Variants in KIF7 observed in about 807,000 individuals in gnomAD.
KIF7 encodes the protein kinesin family member 7.
In KIF7, 104 loss-of-function variants were observed where a neutral mutation model predicts 135.7. The observed-to-expected ratio is 0.77, with a 90% CI of 0.65 to 0.90. The LOEUF is 0.90. KIF7 is among the 40% of genes least tolerant of loss of function. The probability of loss-of-function intolerance (pLI) is 0.00; values close to 1 mark genes in which losing one functional copy is unlikely to be tolerated. For missense variants in KIF7, 2,005 were observed against 1,839.1 expected (o/e 1.09, Z -1.65); for synonymous variants, 883 against 809.4 (o/e 1.09, Z -1.54).
At chr15:89,626,811 C>T (rs1963536240), downstream of KIF7, 1 of 864,524 alleles carries the variant, frequency 1.2e-6, no homozygotes, top group East Asian at 2.4e-5. Context: ...GTGTAGGTAC[C>T]ATTTCTGTAG....
At chr15:89,657,531 T>A (rs1026960540), upstream of KIF7, among the ~76,000 whole-genome samples, 1 of 152,204 alleles carries the variant, frequency 6.6e-6, no homozygotes, top group Admixed American at 6.5e-5. Context: ...GTAGCACTCA[T>A]ATGCAACAAT....
At chr15:89,631,149 T>C in intron 15 of KIF7, 4 of 310,712 alleles carry the variant, frequency 1.3e-5, no homozygotes. Context: ...GGAACACAGA[T>C]GTGTGGGCAT....
chr15:89,636,902 A>C (rs1335428940), intron 11 of KIF7, among the ~76,000 whole-genome samples: 1 of 147,612 alleles, frequency 6.8e-6, no homozygotes, highest in Non-Finnish European at 1.5e-5. Context: ...CACCACACCT[A>C]TTCCAAAATT....
chr15:89,618,701 C>T (rs879638100), intron 1 of KIF7, among the ~76,000 whole-genome samples: 2 of 152,230 alleles, frequency 1.3e-5, no homozygotes, highest in Admixed American at 1.3e-4. Context: ...TGGTTCACGC[C>T]TGTAATCCCA....
intron 10 of KIF7, among the ~76,000 whole-genome samples, chr15:89,643,748 G>A (rs1963962334): frequency 6.6e-6 from 1 of 152,188 alleles, no homozygotes; most frequent in Admixed American, 6.5e-5. Context: ...AGCTGGTTGT[G>A]TTGGCACACG....
chr15:89,648,348 C>A lies in KIF7; in HGVS notation c.1350G>T (p.Glu450Asp). 1.4e-6 allele frequency: 2 copies of A among 1,460,228 alleles called. No individual in the cohort carries two copies. Among genetic ancestry groups the A allele is most frequent in the Non-Finnish European group, 1.8e-6 (2 of 1,104,388 alleles). The allele number at this position is 1,460,228 out of a possible 1,614,324, so 90.5% of individuals were successfully genotyped here. A position where few individuals can be genotyped will look rare whatever the true frequency, so the allele number is the denominator to read the frequency against. Reference protein sequence around the residue: ...VRDWLCAVEGERSALSSASGP... With the variant: ...VRDWLCAVEGDRSALSSASGP... ...CGGAGGCGGAGCTCAGGGCGCTGCG[C>A]TCGCCCTCGACGGCGCACAGCCAGT... The change falls in exon 5 of 19, where the codon GAG becomes GAT. Residue 450 changes from glutamate to aspartate, a missense_variant. By Grantham distance (45) the Glu-to-Asp change is conservative. Coordinates refer to ENST00000394412, the MANE Select transcript of KIF7 (RefSeq NM_198525.3).
Position 89,631,725 on chromosome 15 carries a change from A to G in KIF7, c.2896-15T>C, listed in dbSNP as rs1365071111. On this transcript the variant is annotated splice_polypyrimidine_tract_variant and intron_variant, in intron 14 of 18. Transcript: ENST00000394412. Reference sequence around the variant, plus strand: ...TCGTTGAGGGCCTGGGGGCAGAATCACCAGGGATTAGAGAAGGAACAGGCA... The same window carrying G: ...TCGTTGAGGGCCTGGGGGCAGAATCGCCAGGGATTAGAGAAGGAACAGGCA... The G allele has an allele frequency of 6.5e-7, 1 of 1,544,220 alleles. No homozygotes were observed. The highest frequency in any genetic ancestry group is 1.2e-5 in the South Asian group (1 of 83,318).
At chr15:89,627,013 T>C (rs745581737), downstream of KIF7, 9 of 1,614,094 alleles carry the variant, frequency 5.6e-6, no homozygotes, top group East Asian at 2.2e-5. Flanking sequence ...AGTCGCGCTT[T>C]CTCCAGGAGG....
downstream of KIF7, chr15:89,626,100 AGACT>A: frequency 6.2e-7 from 1 of 1,602,090 alleles, no homozygotes; most frequent in Non-Finnish European, 8.5e-7. Context: ...TTCCTGTGAC[AGACT>A]GTCTGAATTC....
In KIF7 at chr15:89,630,513, T is replaced by C; in HGVS notation, c.3112-20A>G. The C allele has an allele frequency of 6.5e-7, 1 of 1,535,632 alleles. No homozygotes were observed. The highest frequency in any genetic ancestry group is 8.8e-7 in the Non-Finnish European group (1 of 1,136,828). On this transcript the variant is annotated intron_variant, in intron 15 of 18. Coordinates refer to ENST00000394412, the MANE Select transcript of KIF7 (RefSeq NM_198525.3). ...CTCCTCCTGCAGAGACGGGCACGCG[T>C]GGAGGAACAGCACCCACTGCCTGAA...
At chr15:89,617,879 T>G (rs915909988) in intron 2 of KIF7, 13 of 320,506 alleles carry the variant, frequency 4.1e-5, no homozygotes, top group Admixed American at 3.6e-4. Flanking sequence ...TTTAATAGAG[T>G]CGGGGTTTCA....
intron 2 of KIF7, among the ~76,000 whole-genome samples, chr15:89,651,261 A>G (rs955547847): frequency 2.6e-5 from 4 of 152,054 alleles, no homozygotes; most frequent in African/African-American, 7.2e-5. Flanking sequence ...CACCACGCCC[A>G]GCTAATTTTT....
chr15:89,651,407 T>C (rs961513762), intron 2 of KIF7, among the ~76,000 whole-genome samples: 1 of 152,144 alleles, frequency 6.6e-6, no homozygotes, highest in Non-Finnish European at 1.5e-5. Context: ...TCAGTTTTTG[T>C]ATTTTTAGTA....
intron 2 of KIF7, among the ~76,000 whole-genome samples, chr15:89,617,689 CTTTTTTT>C (rs35732953): frequency 1.0e-5 from 1 of 98,772 alleles, no homozygotes; most frequent in Admixed American, 1.1e-4. Context: ...ACCCAGCTAT[CTTTTTTT>C]TTTTTTTTTT....
intron 12 of KIF7, 65 bp from the exon 13 acceptor site, chr15:89,633,331 G>C: frequency 1.3e-6 from 2 of 1,533,086 alleles, no homozygotes; most frequent in African/African-American, 1.4e-5. Flanking sequence ...GCCTGCCACC[G>C]ATCCCAAAGC....
intron 10 of KIF7, among the ~76,000 whole-genome samples, chr15:89,644,163 T>G (rs1963969544): frequency 6.6e-6 from 1 of 152,182 alleles, no homozygotes; most frequent in Admixed American, 6.5e-5. Context: ...AAAATATTTA[T>G]GATGAATTTG....
At chr15:89,623,087 A>G (rs2141983335), downstream of KIF7, among the ~76,000 whole-genome samples, 1 of 152,310 alleles carries the variant, frequency 6.6e-6, no homozygotes, top group South Asian at 2.1e-4. Context: ...TTTTTGCAAG[A>G]AGGCAGGGAA....
intron 11 of KIF7, among the ~76,000 whole-genome samples, chr15:89,640,819 C>G (rs1251416929): frequency 2.7e-5 from 3 of 112,648 alleles, no homozygotes; most frequent in African/African-American, 9.4e-5. Context: ...AACACTGTCT[C>G]TACTTAAAAA....
At chr15:89,624,095 A>G (rs1567052936), downstream of KIF7, 1 of 1,613,916 alleles carries the variant, frequency 6.2e-7, no homozygotes, top group South Asian at 1.1e-5. Flanking sequence ...GGCACGCCTC[A>G]GAATCAAACA....
Sources: allele counts gnomAD v4.1 joint callset (sites outside exome capture counted in the v4.1 genomes callset), GRCh38; gene constraint gnomAD v4.1.1; transcripts MANE v1.5; gene names NCBI Gene and HGNC (gene_info 2026-07-23, HGNC 2026-07-21).